ZNF319: variants seen among roughly 807,000 people sequenced by gnomAD.
The protein encoded by ZNF319 is zinc finger protein 319.
In ZNF319, 15 loss-of-function variants were observed where a neutral mutation model predicts 46.0. That is an observed-to-expected ratio of 0.33 (90% confidence interval 0.22 to 0.50). ZNF319 has a LOEUF of 0.50. ZNF319 is among the 20% of genes least tolerant of loss of function. ZNF319 has a pLI of 0.98. For missense variants in ZNF319, 635 were observed against 807.0 expected (o/e 0.79, Z 2.58); for synonymous variants, 368 against 364.0 (o/e 1.01, Z -0.13).
In ZNF319 at chr16:57,997,702, C is replaced by T. The variant is rs144337939; in HGVS notation, c.564G>A (p.Ala188=). 2.9e-5 allele frequency: 47 copies of T among 1,613,582 alleles called. No individual in the cohort carries two copies. Among genetic ancestry groups the T allele is most frequent in the Non-Finnish European group, 3.6e-5 (43 of 1,180,024 alleles). Residue 188 remains alanine (A), a synonymous_variant, in exon 2 of 2, where the codon GCG becomes GCA. Coordinates refer to ENST00000299237, the MANE Select transcript of ZNF319 (RefSeq NM_020807.3). ...GTTCAGCAGGGGTGACAGTGGAAGG[C>T]GCGGGTGCTGCGGGAAGCGACGGGG... The part of the protein sequence containing the change: ...TAAPSLPAAP[A]PSTVTPAEQA...
At position 57,996,688 on chromosome 16, in the gene ZNF319, C is replaced by G. The variant is rs1221384210; in HGVS notation, c.1578G>C (p.Arg526=). 1 of 1,613,382 alleles carries G rather than the reference C, an allele frequency of 6.2e-7. No homozygotes were observed. The highest frequency in any genetic ancestry group is 1.3e-5 in the African/African-American group (1 of 75,072). Residue 526 remains arginine (R), a synonymous_variant, in exon 2 of 2, where the codon CGG becomes CGC. Transcript: ENST00000299237. ...CPNCDKAFKQ[R]EHLNKHQGVH... ...CGCCCTGGTGCTTGTTGAGATGCTC[C>G]CGCTGCTTGAAGGCCTTGTCGCAGT...
At position 57,996,847 on chromosome 16, in the gene ZNF319, G is replaced by A. The variant is rs2142279968; in HGVS notation, c.1419C>T (p.Phe473=). Reference sequence around the variant, plus strand: ...GGGCCGGATCGCAGCGGTGCTGCACGAACTCGGAAGAGGAGAAGAAGCGGC... The same window carrying A: ...GGGCCGGATCGCAGCGGTGCTGCACAAACTCGGAAGAGGAGAAGAAGCGGC... ...CERRFFSSSE[F]VQHRCDPARE... is the part of the protein sequence containing the mutation. The change falls in exon 2 of 2, where the codon TTC becomes TTT. Residue 473 remains phenylalanine (F), a synonymous_variant. Coordinates refer to ENST00000299237, the MANE Select transcript of ZNF319 (RefSeq NM_020807.3). The A allele has an allele frequency of 6.2e-7, 1 of 1,605,098 alleles. No homozygotes were observed. The highest frequency in any genetic ancestry group is 8.5e-7 in the Non-Finnish European group (1 of 1,178,284).
Position 57,997,140 on chromosome 16 carries a change from A to C in ZNF319, c.1126T>G (p.Cys376Gly). The C allele has an allele frequency of 6.2e-7, 1 of 1,613,998 alleles. No individual in the cohort carries two copies. The highest frequency in any genetic ancestry group is 8.5e-7 in the Non-Finnish European group (1 of 1,179,980). ...CTGGGCTGCCCAAAGCCCTTCTCACATAGGCCGCATTTGAAGGGCTCCTCG... is the reference window on the plus strand; with the variant it reads ...CTGGGCTGCCCAAAGCCCTTCTCACCTAGGCCGCATTTGAAGGGCTCCTCG... ...KTEEPFKCGL[C>G]EKGFGQPSHL... The change falls in exon 2 of 2, where the codon TGT becomes GGT. Residue 376 changes from cysteine (C) to glycine (G), a missense_variant. Cys to Gly is a radical substitution (Grantham distance 159). Around this residue, in one of 3 missense-constraint regions of ZNF319, gnomAD observed 138 missense variants for 248.0 expected, o/e 0.56. Transcript: ENST00000299237.
At position 57,996,227 on chromosome 16, in the gene ZNF319, G is replaced by C. The variant is rs1597034032; in HGVS notation, c.*290C>G. The C allele has an allele frequency of 1.1e-5, 5 of 457,816 alleles. No homozygotes were observed. The East Asian group carries it at 1.4e-4, about 13-fold the overall frequency. 28.4% of individuals were successfully genotyped at this position (457,816 alleles called of 1,614,324 possible). On this transcript the variant is annotated 3_prime_UTR_variant, in exon 2 of 2. Transcript: ENST00000299237. ...CCTGGCTCCAGTGCCCCGGAAATAAGGGGGGTGCTGATGGCTCTCAAGAAA... is the reference window on the plus strand; with the variant it reads ...CCTGGCTCCAGTGCCCCGGAAATAACGGGGGTGCTGATGGCTCTCAAGAAA...
chr16:57,997,858 G>A lies in ZNF319; in HGVS notation c.408C>T (p.Val136=), dbSNP rs139848363. ...TGAGTAGTGAGAAGCCCATCTTGCA[G>A]ACCCCACAGACGAAGGGCTTCTGCT... ...QAEQKPFVCG[V]CKMGFSLLTS... Residue 136 remains valine (V), a synonymous_variant, in exon 2 of 2, where the codon GTC becomes GTT. Coordinates refer to ENST00000299237, the MANE Select transcript of ZNF319 (RefSeq NM_020807.3). The A allele has an allele frequency of 1.2e-6, 2 of 1,613,004 alleles. No homozygotes were observed. Among genetic ancestry groups the A allele is most frequent in the Non-Finnish European group, 1.7e-6 (2 of 1,180,050 alleles).
chr16:57,994,724 A>G lies in ZNF319; in HGVS notation c.*1793T>C, dbSNP rs1962980875. On this transcript the variant is annotated 3_prime_UTR_variant, in exon 2 of 2. Coordinates refer to ENST00000299237, the MANE Select transcript of ZNF319 (RefSeq NM_020807.3). ...TTCTAAAGCATACATTGGACTCACT[A>G]TATATTAACATCAAAAGTGGCTACC... 6.6e-6 allele frequency: 1 copy of G among 152,266 alleles called. No individual in the cohort carries two copies. The highest frequency in any genetic ancestry group is 1.5e-5 in the Non-Finnish European group (1 of 68,048). The allele number at this position is 152,266 out of a possible 1,614,324, so 9.4% of individuals were successfully genotyped here. A position where few individuals can be genotyped will look rare whatever the true frequency, so the allele number is the denominator to read the frequency against.
In ZNF319 at chr16:57,997,329, G is replaced by A; in HGVS notation, c.937C>T (p.Arg313Trp). The A allele has an allele frequency of 6.2e-7, 1 of 1,611,090 alleles. No homozygotes were observed. Among genetic ancestry groups the A allele is most frequent in the Non-Finnish European group, 8.5e-7 (1 of 1,179,832 alleles). ...TGGCACTCGCCGCAGCGGAAGGGCC[G>A]CTCCCCACTTGGCGTGCACGGGTGC... Reference protein sequence around the residue: ...LQHPCTPSGERPFRCGECQKA... With the variant: ...LQHPCTPSGEWPFRCGECQKA... The change falls in exon 2 of 2, where the codon CGG becomes TGG. Residue 313 changes from arginine (R) to tryptophan (W), a missense_variant. Physicochemically the swap from Arg to Trp is moderately radical, Grantham distance 101. This residue lies in a region of ZNF319 where 138 missense variants were observed against 248.0 expected (regional missense o/e 0.56). Transcript: ENST00000299237.
At position 57,996,210 on chromosome 16, in the gene ZNF319, C is replaced by G; in HGVS notation, c.*307G>C. The G allele has an allele frequency of 2.4e-6, 1 of 412,024 alleles. No individual in the cohort carries two copies. The highest frequency in any genetic ancestry group is 4.3e-6 in the Non-Finnish European group (1 of 234,352). 25.5% of individuals were successfully genotyped at this position (412,024 alleles called of 1,614,324 possible). On this transcript the variant is annotated 3_prime_UTR_variant, in exon 2 of 2. Transcript: ENST00000299237. ...AGCCACTTGACTTCCAGCCTGGCTC[C>G]AGTGCCCCGGAAATAAGGGGGGTGC...
chr16:57,998,845 C>T (rs75112597), intron 1 of ZNF319, among the ~76,000 whole-genome samples: 8,837 of 152,182 alleles, frequency 0.058, 377 homozygotes, highest in East Asian at 0.093. Flanking sequence ...GGTGAGAGTC[C>T]GGGGTTATCT....
At position 57,997,324 on chromosome 16, in the gene ZNF319, G is replaced by C. The variant is rs2142280772; in HGVS notation, c.942C>G (p.Pro314=). The C allele has an allele frequency of 6.2e-7, 1 of 1,611,328 alleles. No individual in the cohort carries two copies. Among genetic ancestry groups the C allele is most frequent in the African/African-American group, 1.3e-5 (1 of 75,044 alleles). ...QHPCTPSGER[P]FRCGECQKAF... ...CCTTCTGGCACTCGCCGCAGCGGAAGGGCCGCTCCCCACTTGGCGTGCACG... is the reference window on the plus strand; with the variant it reads ...CCTTCTGGCACTCGCCGCAGCGGAACGGCCGCTCCCCACTTGGCGTGCACG... The change falls in exon 2 of 2, where the codon CCC becomes CCG. Residue 314 remains proline (P), a synonymous_variant. Coordinates refer to ENST00000299237, the MANE Select transcript of ZNF319 (RefSeq NM_020807.3).
rs1963143512 is a variant in ZNF319 at position 58,000,370 on chromosome 16, C to T, written c.-1135G>A. On this transcript the variant is annotated 5_prime_UTR_variant, in exon 1 of 2. Coordinates refer to ENST00000299237, the MANE Select transcript of ZNF319 (RefSeq NM_020807.3). This position sits in a 1 kb window ranked among gnomAD's most constrained non-coding sequence, Gnocchi z 4.5. Reference sequence around the variant, plus strand: ...GTGCGGCGGGCGCGGGGGTGGCCCCCAGATGCGGCCCCGGGCGCCCCGCCG... The same window carrying T: ...GTGCGGCGGGCGCGGGGGTGGCCCCTAGATGCGGCCCCGGGCGCCCCGCCG... The T allele has an allele frequency of 6.7e-6, 1 of 150,044 alleles. No individual in the cohort carries two copies. Among genetic ancestry groups the T allele is most frequent in the Admixed American group, 6.6e-5 (1 of 15,096 alleles). 9.3% of individuals were successfully genotyped at this position (150,044 alleles called of 1,614,324 possible).
At chr16:57,998,698 A>G (rs900049213) in intron 1 of ZNF319, among the ~76,000 whole-genome samples, 176 bp from the exon 2 acceptor site, 1 of 152,182 alleles carries the variant, frequency 6.6e-6, no homozygotes, top group African/African-American at 2.4e-5. Flanking sequence ...GTCTGCAGCC[A>G]GCTCAGCTCC....
rs1327685141 is a variant in ZNF319 at position 58,000,222 on chromosome 16, C to A, written c.-987G>T. Among the ~76,000 whole-genome samples the A allele has an allele frequency of 6.6e-6, 1 of 152,052 alleles. No homozygotes were observed. The highest frequency in any genetic ancestry group is 2.4e-5 in the African/African-American group (1 of 41,430). On this transcript the variant is annotated 5_prime_UTR_variant, in exon 1 of 2. Coordinates refer to ENST00000299237, the MANE Select transcript of ZNF319 (RefSeq NM_020807.3). The surrounding 1 kb of genome is among the most constrained non-coding windows in gnomAD (Gnocchi z 4.5). ...GCCGGGCTGGAGAAAGGCCCCAGGG[C>A]TACAGGCCGGGCCCAGGAAGCGGCT...
In ZNF319 at chr16:57,996,826, C is replaced by T. The variant is rs1349219151; in HGVS notation, c.1440G>A (p.Pro480=). The change falls in exon 2 of 2, where the codon CCG becomes CCA. Residue 480 remains proline (P), a synonymous_variant. Transcript: ENST00000299237. The stretch of plus-strand genomic sequence containing the variant: ...GGCACTTGAGTGGCTTCTCGCGGGC[C>T]GGATCGCAGCGGTGCTGCACGAACT... ...SSEFVQHRCD[P]AREKPLKCPD... 2.5e-6 allele frequency: 4 copies of T among 1,606,766 alleles called. No homozygotes were observed. In the Admixed American group the frequency reaches 5.1e-5, roughly 20 times the overall value.
In ZNF319 at chr16:58,000,149, G is replaced by C. The variant is rs969813008; in HGVS notation, c.-914C>G. On this transcript the variant is annotated 5_prime_UTR_variant, in exon 1 of 2. Coordinates refer to ENST00000299237, the MANE Select transcript of ZNF319 (RefSeq NM_020807.3). The surrounding 1 kb of genome is among the most constrained non-coding windows in gnomAD (Gnocchi z 4.5). ...GCTGGGCTGCGTCCTGTCAGCCCTC[G>C]TCCGGGATGGCCCGGCCGCTGCGAC... Among the ~76,000 whole-genome samples, 1 of 152,126 alleles carries C rather than the reference G, an allele frequency of 6.6e-6. No individual in the cohort carries two copies. Among genetic ancestry groups the C allele is most frequent in the Non-Finnish European group, 1.5e-5 (1 of 67,986 alleles).
rs1478812685 is a variant in ZNF319, at chr16:57,997,306, G to A, written c.960C>T (p.Cys320=). Residue 320 remains cysteine (C), a synonymous_variant, in exon 2 of 2, where the codon TGC becomes TGT. Coordinates refer to ENST00000299237, the MANE Select transcript of ZNF319 (RefSeq NM_020807.3). ...SGERPFRCGE[C]QKAFKRPSDL... ...CCGAGGGCCGCTTGAAGGCCTTCTGGCACTCGCCGCAGCGGAAGGGCCGCT... is the reference window on the plus strand; with the variant it reads ...CCGAGGGCCGCTTGAAGGCCTTCTGACACTCGCCGCAGCGGAAGGGCCGCT... The A allele has an allele frequency of 6.2e-7, 1 of 1,610,076 alleles. No individual in the cohort carries two copies. Among genetic ancestry groups the A allele is most frequent in the Non-Finnish European group, 8.5e-7 (1 of 1,179,672 alleles).
In ZNF319 at chr16:57,996,319, C is replaced by T. The variant is rs549165164; in HGVS notation, c.*198G>A. On this transcript the variant is annotated 3_prime_UTR_variant, in exon 2 of 2. Coordinates refer to ENST00000299237, the MANE Select transcript of ZNF319 (RefSeq NM_020807.3). ...GGCCACAGCAATCTGGCCGCCCGCA[C>T]TGCCCGCTGGTGCCAGGAGTACGAG... The T allele has an allele frequency of 6.1e-6, 7 of 1,150,702 alleles. No individual in the cohort carries two copies. In the South Asian group the frequency reaches 9.5e-5, roughly 16 times the overall value. The allele number at this position is 1,150,702 out of a possible 1,614,324, so 71.3% of individuals were successfully genotyped here.
chr16:57,995,595 T>C lies in ZNF319; in HGVS notation c.*922A>G, dbSNP rs1962997388. ...ACACAATTCAGGGGAGGACACTTGTTTGCATCTGCTGGGGAGATCCTAGGC... is the reference window on the plus strand; with the variant it reads ...ACACAATTCAGGGGAGGACACTTGTCTGCATCTGCTGGGGAGATCCTAGGC... On this transcript the variant is annotated 3_prime_UTR_variant, in exon 2 of 2. Transcript: ENST00000299237. 1 of 152,762 alleles carries C rather than the reference T, an allele frequency of 6.5e-6. No individual in the cohort carries two copies. The highest frequency in any genetic ancestry group is 2.1e-4 in the South Asian group (1 of 4,840). The allele number at this position is 152,762 out of a possible 1,614,324, so 9.5% of individuals were successfully genotyped here. A position where few individuals can be genotyped will look rare whatever the true frequency, so the allele number is the denominator to read the frequency against.
At position 57,998,427 on chromosome 16, in the gene ZNF319, G is replaced by A. The variant is rs368066108; in HGVS notation, c.-162C>T. ...AGACAGCCCGAGTCAGTAACCAAGC[G>A]GACAGACTACAAGGCTCTGCCTACA... On this transcript the variant is annotated 5_prime_UTR_variant, in exon 2 of 2. Transcript: ENST00000299237. 57 of 1,184,518 alleles carry A rather than the reference G, an allele frequency of 4.8e-5. No individual in the cohort carries two copies. Among genetic ancestry groups the A allele is most frequent in the South Asian group, 3.6e-4 (21 of 58,270 alleles). The allele number at this position is 1,184,518 out of a possible 1,614,324, so 73.4% of individuals were successfully genotyped here.
Sources: gnomAD v4.1 joint callset for allele counts (sites outside exome capture counted in the v4.1 genomes callset) on GRCh38, gnomAD v4.1.1 for gene constraint, gnomAD v4.1.1 regional missense constraint, Gnocchi (gnomAD v3.1) non-coding constraint, MANE v1.5 for transcripts, NCBI Gene and HGNC (gene_info 2026-07-23, HGNC 2026-07-21) for gene names.